Variants in CEP85L observed in about 807,000 individuals in gnomAD.
The protein encoded by CEP85L is centrosomal protein of 85 kDa-like.
Under a neutral mutation model 100.3 loss-of-function variants are expected in CEP85L, and 60 were observed. The ratio of observed to expected loss-of-function variants is 0.60; its 90% confidence interval spans 0.49 to 0.74. The LOEUF (loss-of-function observed/expected upper bound fraction) is 0.74, where lower values mean the gene tolerates loss of function less well. Among genes scored for constraint, CEP85L ranks in the 30% least tolerant of loss-of-function variants. The pLI is 0.00. For synonymous variants in CEP85L, 319 were observed against 322.7 expected (o/e 0.99, Z 0.12); for missense variants, 973 against 936.2 (o/e 1.04, Z -0.51).
intron 3 of CEP85L, among the ~76,000 whole-genome samples, chr6:118,532,185 T>G (rs1438564341): frequency 1.3e-5 from 2 of 152,086 alleles, no homozygotes; most frequent in Non-Finnish European, 2.9e-5. Context: ...TACATAGCCA[T>G]AAAAGAATAA....
chr6:118,655,034 T>C (rs766169082), upstream of CEP85L, among the ~76,000 whole-genome samples: 1 of 151,814 alleles, frequency 6.6e-6, no homozygotes, highest in Non-Finnish European at 1.5e-5. Context: ...CCAGGAATTA[T>C]GGTGAAATAG....
chr6:118,613,921 G>A (rs1772837415), intron 2 of CEP85L, among the ~76,000 whole-genome samples: 1 of 151,972 alleles, frequency 6.6e-6, no homozygotes, highest in Non-Finnish European at 1.5e-5. Flanking sequence ...GATATCCAGA[G>A]AGTACCTGAG....
chr6:118,677,696 C>T (rs1313089755), intron 1 of CEP85L, among the ~76,000 whole-genome samples: 1 of 152,168 alleles, frequency 6.6e-6, no homozygotes, highest in Non-Finnish European at 1.5e-5. Context: ...TTCTTCTTCT[C>T]CTGTATTTTC....
At chr6:118,625,369 C>T (rs143833142) in intron 2 of CEP85L, among the ~76,000 whole-genome samples, 15 of 152,320 alleles carry the variant, frequency 9.8e-5, no homozygotes, top group African/African-American at 1.4e-4. Flanking sequence ...ACCCCAGTCC[C>T]GCCACGCCCG....
intron 2 of CEP85L, among the ~76,000 whole-genome samples, chr6:118,631,132 T>G (rs1049565810): frequency 1.3e-5 from 2 of 152,182 alleles, no homozygotes; most frequent in Admixed American, 1.3e-4. Context: ...TAGTAGGAGA[T>G]AATGACATTG....
At chr6:118,544,805 C>A (rs1385973520) in intron 3 of CEP85L, among the ~76,000 whole-genome samples, 1 of 152,192 alleles carries the variant, frequency 6.6e-6, no homozygotes, top group Non-Finnish European at 1.5e-5. Context: ...GTTATATCAA[C>A]AGCCCCCCAA....
chr6:118,578,158 C>T lies in CEP85L; in HGVS notation c.233-11842G>A, dbSNP rs115217201. Among the ~76,000 whole-genome samples the T allele has an allele frequency of 8.5e-3, 1,301 of 152,252 alleles. 16 individuals carry two copies. Among genetic ancestry groups the T allele is most frequent in the African/African-American group, 0.03 (1,232 of 41,536 alleles). ...ACAGCCCTTCCTGCTTGATCTGTAA[C>T]GAGCACTTGTTCCTCAGCTTAATCT... On this transcript the variant is annotated intron_variant, in intron 2 of 12. Coordinates refer to ENST00000368491, the MANE Select transcript of CEP85L (RefSeq NM_001042475.3).
intron 4 of CEP85L, among the ~76,000 whole-genome samples, chr6:118,519,593 G>GGGGGGT (rs55731051): frequency 1.8e-5 from 1 of 55,146 alleles, no homozygotes; most frequent in Non-Finnish European, 3.7e-5. Context: ...GCGGGGGGGG[G>GGGGGGT]GTGTGAAACT....
chr6:118,642,445 AGAATCAAG>A (rs1335867281), intron 1 of CEP85L, among the ~76,000 whole-genome samples: 2 of 152,376 alleles, frequency 1.3e-5, no homozygotes, highest in East Asian at 3.9e-4. Context: ...GAAGAAAGTA[AGAATCAAG>A]AATAAAGTAA....
intron 1 of CEP85L, among the ~76,000 whole-genome samples, chr6:118,709,176 G>A (rs1777697867): frequency 6.6e-6 from 1 of 151,994 alleles, no homozygotes; most frequent in Non-Finnish European, 1.5e-5. Context: ...TTCTCTTATG[G>A]GAGGGTAGCG....
chr6:118,666,437 A>G (rs893355616), intron 1 of CEP85L, among the ~76,000 whole-genome samples: 5 of 152,174 alleles, frequency 3.3e-5, no homozygotes, highest in African/African-American at 1.2e-4. Context: ...CTAACTCAAT[A>G]CTTATGCTCT....
At chr6:118,563,486 T>C (rs759146179) in intron 3 of CEP85L, among the ~76,000 whole-genome samples, 1 of 152,244 alleles carries the variant, frequency 6.6e-6, no homozygotes, top group African/African-American at 2.4e-5. Flanking sequence ...TGTAAAAATA[T>C]TGTTTTTTCA....
At chr6:118,673,426 C>T (rs1306803512) in intron 1 of CEP85L, among the ~76,000 whole-genome samples, 3 of 152,170 alleles carry the variant, frequency 2.0e-5, no homozygotes, top group Non-Finnish European at 4.4e-5. Flanking sequence ...CAGAGAGGGG[C>T]AAATACCAGT....
At chr6:118,623,116 C>T (rs1195862714) in intron 2 of CEP85L, among the ~76,000 whole-genome samples, 3 of 152,138 alleles carry the variant, frequency 2.0e-5, no homozygotes, top group Admixed American at 1.3e-4. Context: ...TGAAAGTACC[C>T]GTAAGATGGC....
intron 1 of CEP85L, among the ~76,000 whole-genome samples, chr6:118,706,342 C>G (rs1777592710): frequency 6.6e-6 from 1 of 152,130 alleles, no homozygotes; most frequent in Non-Finnish European, 1.5e-5. Flanking sequence ...AGGGAAATTT[C>G]AAAAGCTTTA....
intron 4 of CEP85L, among the ~76,000 whole-genome samples, chr6:118,519,460 GTGTGTGTGTGT>G (rs1289166426): frequency 3.0e-5 from 2 of 65,732 alleles, no homozygotes; most frequent in Non-Finnish European, 6.6e-5. Context: ...GTGTGTGTGT[GTGTGTGTGTGT>G]GTGGCGGGGG....
intron 2 of CEP85L, among the ~76,000 whole-genome samples, chr6:118,577,715 T>C (rs940005870): frequency 3.9e-5 from 6 of 152,192 alleles, no homozygotes; most frequent in African/African-American, 1.2e-4. Flanking sequence ...GTGTCATAAT[T>C]GGGGCCCAAT....
intron 1 of CEP85L, among the ~76,000 whole-genome samples, chr6:118,645,667 G>A (rs1775132075): frequency 6.6e-6 from 1 of 152,114 alleles, no homozygotes; most frequent in Non-Finnish European, 1.5e-5. Context: ...GTGAGACACT[G>A]TCTCAAAAAC....
At chr6:118,620,940 C>G (rs1018650992) in intron 2 of CEP85L, among the ~76,000 whole-genome samples, 9 of 152,266 alleles carry the variant, frequency 5.9e-5, no homozygotes, top group African/African-American at 1.9e-4. Context: ...CTATTAACTA[C>G]ACGAATACGG....
Sources: gnomAD v4.1 joint callset for allele counts (sites outside exome capture counted in the v4.1 genomes callset) on GRCh38, gnomAD v4.1.1 for gene constraint, MANE v1.5 for transcripts, NCBI Gene and HGNC (gene_info 2026-07-23, HGNC 2026-07-21) for gene names.